Variants in KIF13A observed in about 807,000 individuals in gnomAD.
KIF13A encodes the protein kinesin-like protein KIF13A.
Under a neutral mutation model 212.2 loss-of-function variants are expected in KIF13A, and 79 were observed. The observed-to-expected ratio is 0.37, with a 90% CI of 0.31 to 0.45. The LOEUF (loss-of-function observed/expected upper bound fraction) is 0.45. Among genes scored for constraint, KIF13A ranks in the 20% least tolerant of loss-of-function variants. KIF13A has a pLI of 1.00. For synonymous variants in KIF13A, 789 were observed against 808.6 expected (o/e 0.98, Z 0.41); for missense variants, 1,901 against 2,209.0 (o/e 0.86, Z 2.79).
rs962853889 is a variant in KIF13A, at chr6:17,918,522, T to C, written c.147-20342A>G. On this transcript the variant is annotated intron_variant, in intron 2 of 38. Transcript: ENST00000259711. The surrounding 1 kb of genome is among the most constrained non-coding windows in gnomAD (Gnocchi z 4.8). ...TATTTACTGGATTACTCAGTAGCTC[T>C]TAAAGTGGCAGGTATCAAGTGGGGA... 7.2e-5 allele frequency among the ~76,000 whole-genome samples: 11 copies of C among 152,232 alleles called. No homozygotes were observed. Among genetic ancestry groups the C allele is most frequent in the African/African-American group, 2.7e-4 (11 of 41,464 alleles).
intron 2 of KIF13A, among the ~76,000 whole-genome samples, chr6:17,916,568 T>C (rs140304960): frequency 1.3e-5 from 2 of 152,220 alleles, no homozygotes; most frequent in Admixed American, 6.5e-5. Context: ...GAATCTACTA[T>C]TTATGCAGTT....
chr6:17,970,635 G>A (rs1463633741), intron 2 of KIF13A, among the ~76,000 whole-genome samples: 1 of 151,842 alleles, frequency 6.6e-6, no homozygotes, highest in African/African-American at 2.4e-5. Context: ...TGCAATATTT[G>A]ACTTAAATAT....
rs1260600123 is a variant in KIF13A at position 17,871,676 on chromosome 6, A to G, written c.220+1701T>C. Among the ~76,000 whole-genome samples the G allele has an allele frequency of 1.3e-5, 2 of 152,200 alleles. No homozygotes were observed. Among genetic ancestry groups the G allele is most frequent in the Admixed American group, 6.5e-5 (1 of 15,278 alleles). On this transcript the variant is annotated intron_variant, in intron 4 of 38. Transcript: ENST00000259711. The surrounding 1 kb of genome is among the most constrained non-coding windows in gnomAD (Gnocchi z 4.4). ...TCCCAGAAGAGACAGTGGAGAAGGT[A>G]GAATGGGGTTATATAATAAAGGACC... is the stretch of plus-strand genomic sequence containing the variant.
chr6:17,987,051 T>C lies in KIF13A; in HGVS notation c.146+3A>G, dbSNP rs1281924627. On this transcript the variant is annotated splice_donor_region_variant and intron_variant, in intron 2 of 38. Transcript: ENST00000259711. The surrounding 1 kb of genome is among the most constrained non-coding windows in gnomAD (Gnocchi z 7.7). ...CCAGCCGCCCTCTCGGAACCCGCTT[T>C]ACCTTTCTCCCTGTTTGGTGTTAGA... 5 of 1,612,266 alleles carry C rather than the reference T, an allele frequency of 3.1e-6. No individual in the cohort carries two copies. The South Asian group carries it at 3.3e-5, about 11-fold the overall frequency.
chr6:17,814,980 G>A (rs1019377648), intron 17 of KIF13A, among the ~76,000 whole-genome samples: 2 of 152,146 alleles, frequency 1.3e-5, no homozygotes, highest in East Asian at 1.9e-4. Context: ...CGCAGAGACC[G>A]GTAGTGGCCC....
chr6:17,974,079 GTTTT>G (rs778832687), intron 2 of KIF13A, among the ~76,000 whole-genome samples: 3 of 152,040 alleles, frequency 2.0e-5, no homozygotes, highest in Non-Finnish European at 4.4e-5. Flanking sequence ...TAGGAACCTG[GTTTT>G]TTATTTTTAT....
chr6:17,886,897 A>C lies in KIF13A; in HGVS notation c.159+11271T>G, dbSNP rs1016808638. Among the ~76,000 whole-genome samples, 2 of 152,132 alleles carry C rather than the reference A, an allele frequency of 1.3e-5. No homozygotes were observed. Among genetic ancestry groups the C allele is most frequent in the Non-Finnish European group, 2.9e-5 (2 of 68,008 alleles). ...TTGTCGTTGTTAAAAAGAGGAAAAA[A>C]AAAAAAGTCTTGGGAAATTTTTAGA... On this transcript the variant is annotated intron_variant, in intron 3 of 38. Coordinates refer to ENST00000259711, the MANE Select transcript of KIF13A (RefSeq NM_022113.6). This position sits in a 1 kb window ranked among gnomAD's most constrained non-coding sequence, Gnocchi z 5.6.
At position 17,919,553 on chromosome 6, in the gene KIF13A, C is replaced by T. The variant is rs998679977; in HGVS notation, c.147-21373G>A. 6.6e-6 allele frequency among the ~76,000 whole-genome samples: 1 copy of T among 152,276 alleles called. No homozygotes were observed. Among genetic ancestry groups the T allele is most frequent in the Admixed American group, 6.5e-5 (1 of 15,294 alleles). ...TCCAGAGTAAGAAAGCTGTGAGTAT[C>T]AAAAATAGATGTTCTACAGCCCCAA... On this transcript the variant is annotated intron_variant, in intron 2 of 38. Transcript: ENST00000259711. The surrounding 1 kb of genome is among the most constrained non-coding windows in gnomAD (Gnocchi z 4.1).
At chr6:17,840,669 G>GA (rs1286755445) in intron 9 of KIF13A, among the ~76,000 whole-genome samples, 3 of 151,898 alleles carry the variant, frequency 2.0e-5, no homozygotes, top group African/African-American at 7.3e-5. Context: ...GTGTAAGGGG[G>GA]AAACACAGAA....
intron 9 of KIF13A, among the ~76,000 whole-genome samples, chr6:17,840,152 T>C (rs1766371761): frequency 6.6e-6 from 1 of 152,166 alleles, no homozygotes; most frequent in Non-Finnish European, 1.5e-5. Context: ...AATGAGACTG[T>C]AGTGATGGCG....
chr6:17,915,207 G>A lies in KIF13A; in HGVS notation c.147-17027C>T, dbSNP rs536852441. 2.0e-4 allele frequency among the ~76,000 whole-genome samples: 30 copies of A among 152,256 alleles called. No homozygotes were observed. The highest frequency in any genetic ancestry group is 6.2e-4 in the South Asian group (3 of 4,830). ...GAATAATCCCTTAGGTTACAGTTGAGACACACAAACGGCCTTTTATGAGAG... is the reference window on the plus strand; with the variant it reads ...GAATAATCCCTTAGGTTACAGTTGAAACACACAAACGGCCTTTTATGAGAG... On this transcript the variant is annotated intron_variant, in intron 2 of 38. Transcript: ENST00000259711. This position sits in a 1 kb window ranked among gnomAD's most constrained non-coding sequence, Gnocchi z 4.4.
At position 17,799,283 on chromosome 6, in the gene KIF13A, T is replaced by G; in HGVS notation, c.2773A>C (p.Thr925Pro). The G allele has an allele frequency of 6.2e-7, 1 of 1,602,196 alleles. No individual in the cohort carries two copies. Among genetic ancestry groups the G allele is most frequent in the Non-Finnish European group, 8.5e-7 (1 of 1,174,650 alleles). Residue 925 changes from threonine to proline, a missense_variant, in exon 22 of 39, where the codon ACC (threonine) becomes CCC (proline). Transcript: ENST00000259711. This position sits in a 1 kb window ranked among gnomAD's most constrained non-coding sequence, Gnocchi z 4.4. ...PQSKDAQYTV[T>P]FSHCKDYVVN... ...ATTTGTACCTTACAGTGGGAGAAGG[T>G]CACTGTGTACTGGGCATCCTTGGAC...
At chr6:17,976,658 GCTT>G (rs2150628110) in intron 2 of KIF13A, among the ~76,000 whole-genome samples, 1 of 152,322 alleles carries the variant, frequency 6.6e-6, no homozygotes, top group South Asian at 2.1e-4. Context: ...GGGCTGAAGG[GCTT>G]CTCAAGTGCC....
At chr6:17,885,872 T>C (rs1482772520) in intron 3 of KIF13A, among the ~76,000 whole-genome samples, 1 of 152,222 alleles carries the variant, frequency 6.6e-6, no homozygotes, top group Non-Finnish European at 1.5e-5. Context: ...TCCGCTTCAC[T>C]GGTGGCTGAG....
At position 17,776,687 on chromosome 6, in the gene KIF13A, A is replaced by G. The variant is rs560417417; in HGVS notation, c.4170+590T>C. 1.7e-3 allele frequency among the ~76,000 whole-genome samples: 258 copies of G among 152,324 alleles called. No homozygotes were observed. Among genetic ancestry groups the G allele is most frequent in the African/African-American group, 5.9e-3 (246 of 41,574 alleles). On this transcript the variant is annotated intron_variant, in intron 34 of 38. Transcript: ENST00000259711. This position sits in a 1 kb window ranked among gnomAD's most constrained non-coding sequence, Gnocchi z 4.6. ...TTTTCCTTGGAAAGACCTTACTTCT[A>G]CTCAGCTGCTTCTGGGAAGTGGCTG...
rs61630603 is a variant in KIF13A at position 17,815,132 on chromosome 6, C to A, written c.2000+1888G>T. The stretch of plus-strand genomic sequence containing the variant: ...TCCCTTCCCTGTTTGGCAGCCAAGG[C>A]GGAGACAGAGAGAGGACAGCTTACA... On this transcript the variant is annotated intron_variant, in intron 17 of 38. Coordinates refer to ENST00000259711, the MANE Select transcript of KIF13A (RefSeq NM_022113.6). Among the ~76,000 whole-genome samples, 58 of 152,284 alleles carry A rather than the reference C, an allele frequency of 3.8e-4. No homozygotes were observed. The East Asian group carries it at 0.011, about 28-fold the overall frequency.
intron 17 of KIF13A, among the ~76,000 whole-genome samples, chr6:17,813,736 A>T (rs1007183594): frequency 4.6e-5 from 7 of 151,654 alleles, no homozygotes; most frequent in East Asian, 2.0e-4. Flanking sequence ...TGTGTGTGTG[A>T]GTTACAGGAA....
chr6:17,767,510 C>T (rs1281626700), intron 38 of KIF13A, among the ~76,000 whole-genome samples: 4 of 152,192 alleles, frequency 2.6e-5, no homozygotes, highest in Admixed American at 2.6e-4. Flanking sequence ...CCGTCTCGGG[C>T]TTCTAAAGTG....
Position 17,789,459 on chromosome 6 carries a change from T to C in KIF13A, c.3261+413A>G, listed in dbSNP as rs1161005867. On this transcript the variant is annotated intron_variant, in intron 26 of 38. Transcript: ENST00000259711. The surrounding 1 kb of genome is among the most constrained non-coding windows in gnomAD (Gnocchi z 4.8). ...AGAATGCACTTTAGCATGGGAAAGA[T>C]AAGAGTCTATCTAAAAGATTATGGA... Among the ~76,000 whole-genome samples the C allele has an allele frequency of 6.6e-6, 1 of 152,202 alleles. No homozygotes were observed. The highest frequency in any genetic ancestry group is 1.5e-5 in the Non-Finnish European group (1 of 68,038).
Sources: allele counts gnomAD v4.1 joint callset (sites outside exome capture counted in the v4.1 genomes callset), GRCh38; gene constraint gnomAD v4.1.1; non-coding constraint Gnocchi (gnomAD v3.1); transcripts MANE v1.5; gene names NCBI Gene and HGNC (gene_info 2026-07-23, HGNC 2026-07-21).